Variants in ZHX1 observed in about 807,000 individuals in gnomAD.
ZHX1 encodes zinc fingers and homeoboxes 1, also known as zinc fingers and homeoboxes protein 1.
In ZHX1, 20 loss-of-function variants were observed where a neutral mutation model predicts 61.8. The observed-to-expected ratio is 0.32, with a 90% CI of 0.23 to 0.47. The LOEUF (loss-of-function observed/expected upper bound fraction) is 0.47. Ranked by LOEUF, ZHX1 falls within the 20% of genes least tolerant of loss-of-function variation. The pLI is 1.00. For synonymous variants in ZHX1, 318 were observed against 352.6 expected (o/e 0.90, Z 1.10); for missense variants, 800 against 1,034.8 (o/e 0.77, Z 3.11).
chr8:123,265,916 G>GT (rs1044226743), intron 2 of ZHX1, among the ~76,000 whole-genome samples: 4 of 152,258 alleles, frequency 2.6e-5, no homozygotes, highest in East Asian at 1.9e-4. Flanking sequence ...CTCTCTATCT[G>GT]TTTTTTTCCA....
At chr8:123,270,037 G>A (rs1021107071) in intron 1 of ZHX1, among the ~76,000 whole-genome samples, 1 of 152,060 alleles carries the variant, frequency 6.6e-6, no homozygotes, top group African/African-American at 2.4e-5. Flanking sequence ...CATATTTAAG[G>A]GGTATTTCAT....
intron 2 of ZHX1, among the ~76,000 whole-genome samples, chr8:123,259,090 A>T (rs1005009251): frequency 6.6e-6 from 1 of 152,184 alleles, no homozygotes; most frequent in South Asian, 2.1e-4. Context: ...GGACGGTAAA[A>T]TCCTCCTCAC....
At chr8:123,250,440 A>G (rs1825887680) in intron 3 of ZHX1, 120 bp from the exon 4 acceptor site, 1 of 336,548 alleles carries the variant, frequency 3.0e-6, no homozygotes, top group African/African-American at 2.2e-5. Flanking sequence ...ATTACCTGCC[A>G]CATATGTCTT....
rs148214782 is a variant in ZHX1 at position 123,272,973 on chromosome 8, AT to A, written c.-340+1243del. Reference sequence around the variant, plus strand: ...TTTCTCTCAAATATTAGCTCTTCGCATTTTTTTTTTTTTCTAATAGCTGGGC... The same window carrying A: ...TTTCTCTCAAATATTAGCTCTTCGCATTTTTTTTTTTTCTAATAGCTGGGC... On this transcript the variant is annotated intron_variant, in intron 1 of 3. Coordinates refer to ENST00000395571, the MANE Select transcript of ZHX1 (RefSeq NM_007222.5). 7.2e-3 allele frequency among the ~76,000 whole-genome samples: 1,039 copies of A among 144,606 alleles called. 4 individuals carry two copies. Among genetic ancestry groups the A allele is most frequent in the East Asian group, 0.019 (94 of 5,000 alleles). The allele number at this position is 144,606 out of a possible 152,430, so 94.9% of individuals were successfully genotyped here.
intron 2 of ZHX1, among the ~76,000 whole-genome samples, chr8:123,262,127 C>T (rs1225154800): frequency 1.3e-5 from 2 of 152,150 alleles, no homozygotes; most frequent in East Asian, 1.9e-4. Flanking sequence ...GCAATTAAAA[C>T]ACAATTAAAA....
At chr8:123,258,493 C>T (rs964728783) in intron 2 of ZHX1, among the ~76,000 whole-genome samples, 4 of 152,084 alleles carry the variant, frequency 2.6e-5, no homozygotes, top group Non-Finnish European at 5.9e-5. Flanking sequence ...GTCCCCCAAA[C>T]TCTGGATTGA....
At chr8:123,273,236 T>C (rs117293766) in intron 1 of ZHX1, among the ~76,000 whole-genome samples, 126 of 152,204 alleles carry the variant, frequency 8.3e-4, no homozygotes, top group Non-Finnish European at 1.3e-3. Context: ...ACAGGAAAGG[T>C]ACTAAAACAA....
At chr8:123,274,854 C>A (rs1161702499), upstream of ZHX1, among the ~76,000 whole-genome samples, 1 of 152,170 alleles carries the variant, frequency 6.6e-6, no homozygotes, top group Non-Finnish European at 1.5e-5. Context: ...TCTACTGAAA[C>A]GCCCCTTGTC....
upstream of ZHX1, chr8:123,274,635 G>GC (rs1175705191): frequency 6.8e-6 from 1 of 146,896 alleles, no homozygotes; most frequent in African/African-American, 2.5e-5. Flanking sequence ...CAGAAGCCCC[G>GC]CCCCAGACTG....
rs1586823028 is a variant in ZHX1, at chr8:123,255,017, T to C, written c.930A>G (p.Thr310=). 1 of 1,614,162 alleles carries C rather than the reference T, an allele frequency of 6.2e-7. No homozygotes were observed. The highest frequency in any genetic ancestry group is 2.2e-5 in the East Asian group (1 of 44,880). ...LNTYNKFPYP[T]MSEITVLSAQ... is the part of the protein sequence containing the mutation. ...CAGAAAGAACTGTAATTTCTGACAT[T>C]GTTGGGTAAGGGAACTTGTTGTAGG... The change falls in exon 3 of 4, where the codon ACA becomes ACG. Residue 310 remains threonine, a synonymous_variant. Transcript: ENST00000395571.
In ZHX1 at chr8:123,255,704, A is replaced by G. The variant is rs1468927362; in HGVS notation, c.243T>C (p.Asp81=). The G allele has an allele frequency of 1.2e-6, 2 of 1,613,838 alleles. No individual in the cohort carries two copies. Among genetic ancestry groups the G allele is most frequent in the Admixed American group, 3.3e-5 (2 of 60,002 alleles). ...ECKYCTFQTP[D]LNMFTFHVDS... is the part of the protein sequence containing the mutation. ...CCACATGAAAAGTAAACATATTTAG[A>G]TCTGGAGTTTGAAAAGTACAATATT... The change falls in exon 3 of 4, where the codon GAT becomes GAC. Residue 81 remains aspartate (D), a synonymous_variant. Transcript: ENST00000395571.
At chr8:123,257,353 C>G (rs1288946383) in intron 2 of ZHX1, 1 of 152,226 alleles carries the variant, frequency 6.6e-6, no homozygotes, top group Non-Finnish European at 1.5e-5. Flanking sequence ...GACATATAAT[C>G]CCTTTCACAA....
chr8:123,266,842 G>A (rs925959872), intron 2 of ZHX1, among the ~76,000 whole-genome samples: 3 of 152,008 alleles, frequency 2.0e-5, no homozygotes, highest in Non-Finnish European at 2.9e-5. Context: ...AGTAGCCTAC[G>A]TTTTGAAAAT....
At chr8:123,269,612 A>G (rs529184954) in intron 1 of ZHX1, among the ~76,000 whole-genome samples, 13 of 152,218 alleles carry the variant, frequency 8.5e-5, no homozygotes, top group Non-Finnish European at 1.9e-4. Flanking sequence ...CATGCCACTT[A>G]CTAGCTGTGT....
intron 2 of ZHX1, 76 bp downstream of exon 2, chr8:123,267,197 A>T: frequency 7.3e-7 from 1 of 1,371,008 alleles, no homozygotes. Flanking sequence ...ACTTTAGACA[A>T]ATATAGTATC....
At position 123,253,998 on chromosome 8, in the gene ZHX1, G is replaced by GCAGGAGAAGTTTCTC. The variant is rs774903243; in HGVS notation, c.1934_1948dup (p.Gly645_Pro649dup). The GCAGGAGAAGTTTCTC allele has an allele frequency of 2.5e-6, 4 of 1,614,130 alleles. No homozygotes were observed. The South Asian group carries it at 4.4e-5, about 18-fold the overall frequency. Reference sequence around the variant, plus strand: ...TGACTTAGGTGCACCAGATTCATCTGCAGGAGAAGTTTCTCCAGCTTCTTC... The same window carrying GCAGGAGAAGTTTCTC: ...TGACTTAGGTGCACCAGATTCATCTGCAGGAGAAGTTTCTCCAGGAGAAGTTTCTCCAGCTTCTTC... On this transcript the variant is annotated inframe_insertion, in exon 3 of 4. Transcript: ENST00000395571.
chr8:123,255,436 C>G lies in ZHX1; in HGVS notation c.511G>C (p.Val171Leu). 6.2e-7 allele frequency: 1 copy of G among 1,613,284 alleles called. No homozygotes were observed. Among genetic ancestry groups the G allele is most frequent in the Non-Finnish European group, 8.5e-7 (1 of 1,180,016 alleles). The change falls in exon 3 of 4, where the codon GTT (valine) becomes CTT (leucine). Residue 171 changes from valine (V) to leucine (L), a missense_variant. Transcript: ENST00000395571. ...CTGATAGATATTCCCGAAGAAGAAA[C>G]TTCTGTAGATTCTGCTTGCTCTGCA... is the stretch of plus-strand genomic sequence containing the variant. Reference protein sequence around the residue: ...ENAEQAESTEVSSSGISISKT... With the variant: ...ENAEQAESTELSSSGISISKT...
chr8:123,254,097 G>A lies in ZHX1; in HGVS notation c.1850C>T (p.Thr617Ile), dbSNP rs530080011. ...LTRREIDAWF[T>I]EKKKSKALKE... is the part of the protein sequence containing the mutation. Reference sequence around the variant, plus strand: ...TAAAGCTTTTGATTTCTTCTTCTCTGTAAACCAAGCATCGATTTCTCTTCT... The same window carrying A: ...TAAAGCTTTTGATTTCTTCTTCTCTATAAACCAAGCATCGATTTCTCTTCT... The change falls in exon 3 of 4, where the codon ACA (threonine) becomes ATA (isoleucine). Residue 617 changes from threonine (T) to isoleucine (I), a missense_variant. By Grantham distance (89) the Thr-to-Ile change is moderately conservative. Transcript: ENST00000395571. The surrounding 1 kb of genome is among the most constrained non-coding windows in gnomAD (Gnocchi z 4.1). The A allele has an allele frequency of 1.2e-4, 196 of 1,614,020 alleles. 1 individual carries two copies. The South Asian group carries it at 2.0e-3, about 16-fold the overall frequency.
In ZHX1 at chr8:123,253,805, A is replaced by C; in HGVS notation, c.2142T>G (p.Ala714=). The change falls in exon 3 of 4, where the codon GCT becomes GCG. Residue 714 remains alanine, a synonymous_variant. Transcript: ENST00000395571. ...IVSWFGDTRY[A]WKNGNLKWYY... ...ACCATTTCAAGTTTCCATTCTTCCA[A>C]GCATAACGGGTGTCCCCAAACCAAC... 1 of 1,614,186 alleles carries C rather than the reference A, an allele frequency of 6.2e-7. No homozygotes were observed. The highest frequency in any genetic ancestry group is 8.5e-7 in the Non-Finnish European group (1 of 1,180,022).
Sources: allele counts gnomAD v4.1 joint callset (sites outside exome capture counted in the v4.1 genomes callset), GRCh38; gene constraint gnomAD v4.1.1; non-coding constraint Gnocchi (gnomAD v3.1); transcripts MANE v1.5; gene names NCBI Gene and HGNC (gene_info 2026-07-23, HGNC 2026-07-21).